GRK5: variants seen among roughly 807,000 people sequenced by gnomAD.
The protein encoded by GRK5 is g protein-coupled receptor kinase GRK5.
In GRK5, 40 loss-of-function variants were observed where a neutral mutation model predicts 78.4. The observed-to-expected ratio is 0.51, with a 90% CI of 0.40 to 0.66. The LOEUF (loss-of-function observed/expected upper bound fraction) is 0.66. GRK5 is among the 30% of genes least tolerant of loss of function. The probability of loss-of-function intolerance (pLI) is 0.00; values close to 1 mark genes in which losing one functional copy is unlikely to be tolerated. For synonymous variants in GRK5, 289 were observed against 296.8 expected, an observed-to-expected ratio of 0.97 and a Z score of 0.27; for missense variants, 598 against 759.9, an observed-to-expected ratio of 0.79 and a Z score of 2.50.
At chr10:119,301,442 C>T (rs929347642) in intron 1 of GRK5, among the ~76,000 whole-genome samples, 1 of 152,220 alleles carries the variant, frequency 6.6e-6, no homozygotes, top group Non-Finnish European at 1.5e-5. Context: ...CCCCTGTCTC[C>T]ACACATAGTG....
At position 119,394,354 on chromosome 10, in the gene GRK5, G is replaced by A. The variant is rs1456544437; in HGVS notation, c.262-2341G>A. Among the ~76,000 whole-genome samples, 367 of 109,630 alleles carry A rather than the reference G, an allele frequency of 3.3e-3. 61 individuals carry two copies. Among genetic ancestry groups the A allele is most frequent in the Middle Eastern group, 0.015 (3 of 206 alleles). The allele number at this position is 109,630 out of a possible 152,430, so 71.9% of individuals were successfully genotyped here. A position where few individuals can be genotyped will look rare whatever the true frequency, so the allele number is the denominator to read the frequency against. ...TGTGTGTCTGTGTGTGGGCATGTGG[G>A]TGTGTGGGTGTGTGTGGGTGTCGGT... On this transcript the variant is annotated intron_variant, in intron 3 of 15. Transcript: ENST00000392870.
At chr10:119,328,213 C>T (rs1401041927) in intron 2 of GRK5, among the ~76,000 whole-genome samples, 1 of 152,216 alleles carries the variant, frequency 6.6e-6, no homozygotes, top group Non-Finnish European at 1.5e-5. Context: ...TGATGATCAG[C>T]TTTTCTGCTG....
chr10:119,343,133 G>A (rs1043181919), intron 2 of GRK5, among the ~76,000 whole-genome samples: 2 of 152,200 alleles, frequency 1.3e-5, no homozygotes, highest in Admixed American at 1.3e-4. Context: ...CGTGACACTG[G>A]GTGACAGCCC....
At chr10:119,347,485 G>A (rs538423480) in intron 2 of GRK5, among the ~76,000 whole-genome samples, 1 of 152,230 alleles carries the variant, frequency 6.6e-6, no homozygotes, top group Non-Finnish European at 1.5e-5. Context: ...GCACGTGCAC[G>A]TGTGTGTGTG....
At chr10:119,218,630 G>C (rs1250982434) in intron 1 of GRK5, among the ~76,000 whole-genome samples, 1 of 152,160 alleles carries the variant, frequency 6.6e-6, no homozygotes. Context: ...GGAACTCCTA[G>C]CTCTAGGAAG....
Position 119,448,230 on chromosome 10 carries a change from C to T in GRK5, c.1374C>T (p.Ala458=), listed in dbSNP as rs149959928. The T allele has an allele frequency of 1.6e-5, 26 of 1,597,494 alleles. No homozygotes were observed. In the Admixed American group the frequency reaches 2.1e-4, roughly 13 times the overall value. ...ACATGAACTTCAAGCGCTTAGAAGCCGGGATGTTGGACCCTCCCTTCGTTC... is the reference window on the plus strand; with the variant it reads ...ACATGAACTTCAAGCGCTTAGAAGCTGGGATGTTGGACCCTCCCTTCGTTC... ...FRNMNFKRLE[A]GMLDPPFVPD... The change falls in exon 13 of 16, where the codon GCC becomes GCT. Residue 458 remains alanine (A), a synonymous_variant. Coordinates refer to ENST00000392870, the MANE Select transcript of GRK5 (RefSeq NM_005308.3).
At chr10:119,321,773 G>A (rs772049489) in intron 1 of GRK5, among the ~76,000 whole-genome samples, 2 of 152,150 alleles carry the variant, frequency 1.3e-5, no homozygotes, top group Non-Finnish European at 2.9e-5. Flanking sequence ...TGAGGAAATA[G>A]GGTTGAGGAG....
intron 1 of GRK5, among the ~76,000 whole-genome samples, chr10:119,254,776 C>T (rs2168219): frequency 0.021 from 3,245 of 152,094 alleles, 56 homozygotes; most frequent in Admixed American, 0.054. Flanking sequence ...AAAAACAGGC[C>T]GGGCACGGTG....
intron 11 of GRK5, among the ~76,000 whole-genome samples, 192 bp from the exon 12 acceptor site, chr10:119,443,352 T>C (rs911419245): frequency 1.3e-5 from 2 of 152,062 alleles, no homozygotes; most frequent in Non-Finnish European, 2.9e-5. Flanking sequence ...TGGTCAGAGT[T>C]CTAAAGCTAC....
intron 2 of GRK5, among the ~76,000 whole-genome samples, chr10:119,331,764 C>A (rs901994469): frequency 1.3e-5 from 2 of 152,206 alleles, no homozygotes; most frequent in Non-Finnish European, 2.9e-5. Flanking sequence ...CAGTCATAGA[C>A]CATCTCTACC....
At chr10:119,344,926 C>CTTCCTTCCTTCCTTCCTTCT (rs1282486689) in intron 2 of GRK5, among the ~76,000 whole-genome samples, 1 of 144,756 alleles carries the variant, frequency 6.9e-6, no homozygotes, top group Non-Finnish European at 1.5e-5. Flanking sequence ...TCCTTCCTTC[C>CTTCCTTCCTTCCTTCCTTCT]TTCCTTCCTT....
chr10:119,391,508 T>G (rs926012355), intron 3 of GRK5, among the ~76,000 whole-genome samples: 3 of 152,200 alleles, frequency 2.0e-5, no homozygotes, highest in Admixed American at 2.0e-4. Flanking sequence ...TAGCTGCTGA[T>G]GCAACACCCC....
intron 1 of GRK5, among the ~76,000 whole-genome samples, chr10:119,216,970 AG>A (rs1848586094): frequency 6.6e-6 from 1 of 152,216 alleles, no homozygotes; most frequent in Non-Finnish European, 1.5e-5. Context: ...AAATAAAAAA[AG>A]GGAGTCACTT....
rs530687867 is a variant in GRK5, at chr10:119,383,076, T to G, written c.261+2149T>G. 1.5e-4 allele frequency among the ~76,000 whole-genome samples: 23 copies of G among 152,190 alleles called. No individual in the cohort carries two copies. The South Asian group carries it at 4.4e-3, about 29-fold the overall frequency. ...AGCTGGGCCTACAGGCGCCCGCCAC[T>G]ACACCCGGCTAATTTTTTGTATTTT... On this transcript the variant is annotated intron_variant, in intron 3 of 15. Coordinates refer to ENST00000392870, the MANE Select transcript of GRK5 (RefSeq NM_005308.3).
chr10:119,415,161 C>T (rs568468839), intron 4 of GRK5, among the ~76,000 whole-genome samples: 2 of 152,008 alleles, frequency 1.3e-5, no homozygotes, highest in Admixed American at 6.5e-5. Flanking sequence ...TCGTAGCAGC[C>T]TTCTCCAGGA....
intron 1 of GRK5, among the ~76,000 whole-genome samples, chr10:119,231,334 C>A (rs1002258351): frequency 5.3e-5 from 8 of 151,940 alleles, no homozygotes; most frequent in African/African-American, 1.7e-4. Flanking sequence ...TACTGCTGTA[C>A]CCCAATAACT....
intron 1 of GRK5, among the ~76,000 whole-genome samples, chr10:119,293,585 G>T (rs1332020572): frequency 6.6e-6 from 1 of 152,242 alleles, no homozygotes; most frequent in African/African-American, 2.4e-5. Context: ...GTTGACTGCG[G>T]ATTGCCAGGT....
intron 2 of GRK5, among the ~76,000 whole-genome samples, chr10:119,377,787 G>A (rs1851648485): frequency 6.6e-6 from 1 of 152,230 alleles, no homozygotes; most frequent in Admixed American, 6.5e-5. Flanking sequence ...TTTGGAAAAG[G>A]TGGGGGTAGA....
intron 1 of GRK5, among the ~76,000 whole-genome samples, chr10:119,260,453 A>G: frequency 7.8e-6 from 1 of 127,736 alleles, no homozygotes; most frequent in Non-Finnish European, 1.6e-5. Flanking sequence ...TTTCTCACAG[A>G]GGGGGATTTG....
Sources: allele counts gnomAD v4.1 joint callset (sites outside exome capture counted in the v4.1 genomes callset), GRCh38; gene constraint gnomAD v4.1.1; transcripts MANE v1.5; gene names NCBI Gene and HGNC (gene_info 2026-07-23, HGNC 2026-07-21).